MAPK6: variants seen among roughly 807,000 people sequenced by gnomAD.
MAPK6 encodes the protein mitogen-activated protein kinase 6, also known as ERK-3.
MAPK6 carries 19 observed loss-of-function variants against 59.3 expected under a neutral mutation model. That is an observed-to-expected ratio of 0.32 (90% CI 0.22 to 0.47). MAPK6 has a LOEUF of 0.47. MAPK6 is among the 20% of genes least tolerant of loss of function. The pLI is 1.00. For missense variants in MAPK6, 724 were observed against 847.9 expected, an observed-to-expected ratio of 0.85 and a Z score of 1.81; for synonymous variants, 316 against 290.3, an observed-to-expected ratio of 1.09 and a Z score of -0.90.
chr15:51,974,706 G>C (rs2057152389), intron 1 of MAPK6, among the ~76,000 whole-genome samples: 1 of 148,586 alleles, frequency 6.7e-6, no homozygotes, highest in African/African-American at 2.5e-5. Flanking sequence ...TTGTTCCTAG[G>C]AATGGAGAAT....
At chr15:52,026,180 T>C (rs2030766936) in intron 1 of MAPK6, among the ~76,000 whole-genome samples, 1 of 152,262 alleles carries the variant, frequency 6.6e-6, no homozygotes, top group Non-Finnish European at 1.5e-5. Context: ...GCCTCTGGCC[T>C]AGTCCCTCTA....
chr15:52,040,059 C>A (rs1157460204), intron 1 of MAPK6, among the ~76,000 whole-genome samples: 1 of 152,184 alleles, frequency 6.6e-6, no homozygotes, highest in African/African-American at 2.4e-5. Flanking sequence ...GCCCACCATA[C>A]ATTAGGAGCA....
intron 1 of MAPK6, among the ~76,000 whole-genome samples, chr15:52,037,270 TTC>T (rs1275099874): frequency 1.3e-5 from 2 of 152,346 alleles, no homozygotes; most frequent in Non-Finnish European, 1.5e-5. Context: ...AAGCATATGG[TTC>T]TCTCCATTTG....
At chr15:52,045,423 G>A (rs1170442254) in intron 1 of MAPK6, among the ~76,000 whole-genome samples, 1 of 152,176 alleles carries the variant, frequency 6.6e-6, no homozygotes, top group Non-Finnish European at 1.5e-5. Context: ...TAGTTAATAA[G>A]TAAACATGCT....
At chr15:51,978,061 C>T (rs2141802709) in intron 1 of MAPK6, among the ~76,000 whole-genome samples, 1 of 151,726 alleles carries the variant, frequency 6.6e-6, no homozygotes, top group East Asian at 1.9e-4. Context: ...GTCCACTAAA[C>T]CAAGGAAGAG....
chr15:52,031,670 A>G (rs1345507761), intron 1 of MAPK6, among the ~76,000 whole-genome samples: 8 of 152,050 alleles, frequency 5.3e-5, no homozygotes, highest in Non-Finnish European at 5.9e-5. Context: ...GTCTCTACCA[A>G]GATAATAAAA....
intron 2 of MAPK6, among the ~76,000 whole-genome samples, chr15:51,983,941 A>G (rs2057182436): frequency 6.6e-6 from 1 of 152,096 alleles, no homozygotes; most frequent in Non-Finnish European, 1.5e-5. Flanking sequence ...AACTATGATT[A>G]TGCCACTTCA....
chr15:52,010,135 C>T (rs1051599275), intron 3 of MAPK6, among the ~76,000 whole-genome samples: 6 of 152,096 alleles, frequency 3.9e-5, no homozygotes, highest in East Asian at 1.9e-4. Flanking sequence ...AATGATAGAA[C>T]GTTTGTAAAG....
intron 2 of MAPK6, among the ~76,000 whole-genome samples, chr15:52,049,421 G>A (rs890511275): frequency 1.1e-4 from 15 of 139,876 alleles, no homozygotes; most frequent in African/African-American, 3.3e-4. Flanking sequence ...TCTGTCTCCT[G>A]CGCTTAAGTG....
intron 1 of MAPK6, among the ~76,000 whole-genome samples, chr15:51,972,474 C>G (rs2057135541): frequency 7.8e-6 from 1 of 128,570 alleles, no homozygotes. Flanking sequence ...TTTTAAGTTA[C>G]TAATTCATTT....
rs1012638861 is a variant in MAPK6 at position 51,998,510 on chromosome 15, T to TA, written c.-769-5755_-769-5754insA. Among the ~76,000 whole-genome samples the TA allele has an allele frequency of 1.2e-3, 183 of 148,920 alleles. 2 individuals are homozygous for TA. Among genetic ancestry groups the TA allele is most frequent in the African/African-American group, 4.3e-3 (174 of 40,164 alleles). On this transcript the variant is annotated intron_variant, in intron 2 of 7. Coordinates refer to the MAPK6 transcript ENST00000691380. ...ATGAGCCACCGCACCTGGCCTTTTT[T>TA]TTTTTTTTTCTCCCCTCTCTCTTTT... is the stretch of plus-strand genomic sequence containing the variant.
intron 2 of MAPK6, among the ~76,000 whole-genome samples, chr15:51,984,016 G>C (rs1181583860): frequency 6.6e-6 from 1 of 150,478 alleles, no homozygotes; most frequent in Admixed American, 6.6e-5. Flanking sequence ...TCTAGAAATT[G>C]ATGTTAAGAA....
chr15:52,053,878 C>A (rs1456479629), intron 3 of MAPK6, among the ~76,000 whole-genome samples: 2 of 151,734 alleles, frequency 1.3e-5, no homozygotes, highest in Admixed American at 1.3e-4. Flanking sequence ...ACCTCATGAT[C>A]CACTCGCCTC....
At position 52,046,052 on chromosome 15, in the gene MAPK6, G is replaced by C. The variant is rs1451436928; in HGVS notation, c.-409G>C. ...GACCAGTCCAACACTGAATGTATCT[G>C]CACTGTGAGGAGAATGTTCATAGAA... On this transcript the variant is annotated 5_prime_UTR_variant, in exon 2 of 6. Transcript: ENST00000261845. The C allele has an allele frequency of 5.4e-6, 1 of 186,070 alleles. No homozygotes were observed. Among genetic ancestry groups the C allele is most frequent in the African/African-American group, 2.4e-5 (1 of 41,732 alleles). The allele number at this position is 186,070 out of a possible 1,614,324, so 11.5% of individuals were successfully genotyped here.
At chr15:52,049,408 A>G (rs1473807928) in intron 2 of MAPK6, among the ~76,000 whole-genome samples, 1 of 137,606 alleles carries the variant, frequency 7.3e-6, no homozygotes, top group East Asian at 2.1e-4. Context: ...GCTCACTGCA[A>G]CCTCTGTCTC....
intron 2 of MAPK6, among the ~76,000 whole-genome samples, chr15:51,991,504 A>C (rs1428367046): frequency 6.6e-6 from 1 of 152,246 alleles, no homozygotes; most frequent in Non-Finnish European, 1.5e-5. Flanking sequence ...CTTTTATTAC[A>C]TAACGCGACA....
chr15:52,036,464 G>C (rs754614608), intron 1 of MAPK6, among the ~76,000 whole-genome samples: 21 of 152,172 alleles, frequency 1.4e-4, no homozygotes, highest in Admixed American at 6.5e-4. Context: ...TCTCCTTTCT[G>C]CATCAGCCCA....
At chr15:51,983,285 G>A (rs553103752) in exon 2 of MAPK6, among the ~76,000 whole-genome samples, 97 of 151,966 alleles carry the variant, frequency 6.4e-4, no homozygotes, top group Non-Finnish European at 1.2e-3. Flanking sequence ...TCGGGAGTTC[G>A]AGACCAGCCT....
intron 2 of MAPK6, among the ~76,000 whole-genome samples, chr15:51,984,046 A>C (rs1382717351): frequency 6.6e-6 from 1 of 152,070 alleles, no homozygotes; most frequent in African/African-American, 2.4e-5. Context: ...ACAGATGTGC[A>C]AATAGATGAA....
Sources: allele counts gnomAD v4.1 joint callset (sites outside exome capture counted in the v4.1 genomes callset), GRCh38; gene constraint gnomAD v4.1.1; transcripts MANE v1.5; gene names NCBI Gene and HGNC (gene_info 2026-07-23, HGNC 2026-07-21).